ILRUN: variants seen among roughly 807,000 people sequenced by gnomAD.
ILRUN encodes the protein inflammation and lipid regulator with UBA-like and NBR1-like domains.
ILRUN carries 3 observed loss-of-function variants against 33.8 expected under a neutral mutation model. That is an observed-to-expected ratio of 0.09 (90% CI 0.04 to 0.23). The LOEUF (loss-of-function observed/expected upper bound fraction) is 0.23, where lower values mean the gene tolerates loss of function less well. ILRUN is among the 10% of genes least tolerant of loss of function. ILRUN has a pLI of 1.00. For missense variants in ILRUN, 210 were observed against 375.1 expected, an observed-to-expected ratio of 0.56 and a Z score of 3.64; for synonymous variants, 124 against 138.9, an observed-to-expected ratio of 0.89 and a Z score of 0.75.
At chr6:34,648,967 G>C (rs1257797335) in intron 2 of ILRUN, among the ~76,000 whole-genome samples, 1 of 152,236 alleles carries the variant, frequency 6.6e-6, no homozygotes, top group Non-Finnish European at 1.5e-5. Context: ...CATCTTAGCT[G>C]TGCAAAAGGA....
Position 34,622,508 on chromosome 6 carries a change from A to T in ILRUN, c.512-15604T>A, listed in dbSNP as rs146003916. On this transcript the variant is annotated intron_variant, in intron 3 of 4. Coordinates refer to ENST00000374023, the MANE Select transcript of ILRUN (RefSeq NM_024294.4). ...GAAATGCAAATCAAACCACAATGAG[A>T]TACCACCTCACACTTATGATGGCTA... Among the ~76,000 whole-genome samples, 45 of 151,920 alleles carry T rather than the reference A, an allele frequency of 3.0e-4. No individual in the cohort carries two copies. In the East Asian group the frequency reaches 7.9e-3, roughly 27 times the overall value.
intron 1 of ILRUN, among the ~76,000 whole-genome samples, chr6:34,688,012 A>G (rs914376830): frequency 7.2e-5 from 11 of 152,252 alleles, no homozygotes; most frequent in African/African-American, 2.6e-4. Flanking sequence ...AATAGTCAAA[A>G]GATAGAAACA....
chr6:34,668,494 A>G (rs1763048310), intron 1 of ILRUN, among the ~76,000 whole-genome samples: 1 of 152,188 alleles, frequency 6.6e-6, no homozygotes, highest in South Asian at 2.1e-4. Flanking sequence ...TGCATAACAG[A>G]CTGAGATGAT....
In ILRUN at chr6:34,684,472, C is replaced by T. The variant is rs1763472951; in HGVS notation, c.158+11974G>A. 3.3e-5 allele frequency among the ~76,000 whole-genome samples: 5 copies of T among 152,142 alleles called. No individual in the cohort carries two copies. The South Asian group carries it at 1.0e-3, about 32-fold the overall frequency. On this transcript the variant is annotated intron_variant, in intron 1 of 4. Coordinates refer to ENST00000374023, the MANE Select transcript of ILRUN (RefSeq NM_024294.4). ...ACATAGGCATAAGAAAAAAATTAAGCCTTTTCTCCCATCTACCCTTACACA... is the reference window on the plus strand; with the variant it reads ...ACATAGGCATAAGAAAAAAATTAAGTCTTTTCTCCCATCTACCCTTACACA...
At chr6:34,683,475 C>CATATATATATACATATAT (rs1264835303) in intron 1 of ILRUN, among the ~76,000 whole-genome samples, 14 of 79,878 alleles carry the variant, frequency 1.8e-4, no homozygotes, top group East Asian at 7.9e-4. Flanking sequence ...TATATATACA[C>CATATATATATACATATAT]ATATATATAT....
Position 34,646,905 on chromosome 6 carries a change from A to G in ILRUN, c.314-107T>C. ...GCCTCTTTCTTTTTCTCACATACAT[A>G]CATAAACCTAACCACATATACCTAA... is the stretch of plus-strand genomic sequence containing the variant. On this transcript the variant is annotated intron_variant, in intron 2 of 4. Coordinates refer to ENST00000374023, the MANE Select transcript of ILRUN (RefSeq NM_024294.4). This position sits in a 1 kb window ranked among gnomAD's most constrained non-coding sequence, Gnocchi z 4.9. 1.0e-6 allele frequency: 1 copy of G among 954,322 alleles called. No homozygotes were observed. The highest frequency in any genetic ancestry group is 1.5e-5 in the South Asian group (1 of 68,886). 59.1% of individuals were successfully genotyped at this position (954,322 alleles called of 1,614,324 possible). A position where few individuals can be genotyped will look rare whatever the true frequency, so the allele number is the denominator to read the frequency against.
intron 1 of ILRUN, among the ~76,000 whole-genome samples, chr6:34,680,913 G>C (rs1273682499): frequency 6.6e-6 from 1 of 151,798 alleles, no homozygotes; most frequent in African/African-American, 2.4e-5. Context: ...TGAAGGACAA[G>C]TGCTGTTTAT....
At chr6:34,598,927 T>C (rs1761455026) in intron 4 of ILRUN, among the ~76,000 whole-genome samples, 1 of 152,240 alleles carries the variant, frequency 6.6e-6, no homozygotes, top group Non-Finnish European at 1.5e-5. Flanking sequence ...TCCCTTCTGG[T>C]ACACAGTGTG....
At chr6:34,617,480 A>G (rs1051692648) in intron 3 of ILRUN, among the ~76,000 whole-genome samples, 5 of 152,184 alleles carry the variant, frequency 3.3e-5, no homozygotes, top group African/African-American at 1.2e-4. Context: ...GCACTGCCAC[A>G]TAATTTACTC....
intron 1 of ILRUN, among the ~76,000 whole-genome samples, chr6:34,679,014 G>A (rs1033602333): frequency 1.4e-4 from 21 of 151,566 alleles, no homozygotes; most frequent in Admixed American, 7.9e-4. Flanking sequence ...AGGAGGGTGA[G>A]GATCGAAAAA....
At chr6:34,611,974 T>C (rs151147037) in intron 3 of ILRUN, among the ~76,000 whole-genome samples, 4 of 152,240 alleles carry the variant, frequency 2.6e-5, no homozygotes, top group African/African-American at 9.6e-5. Context: ...CCTGTGATCT[T>C]TGGCACCAAC....
intron 1 of ILRUN, among the ~76,000 whole-genome samples, chr6:34,661,406 A>G (rs1430423814): frequency 2.0e-5 from 3 of 152,202 alleles, no homozygotes; most frequent in Non-Finnish European, 4.4e-5. Flanking sequence ...ACACTCTACA[A>G]TTCTTTAAAA....
intron 4 of ILRUN, among the ~76,000 whole-genome samples, chr6:34,606,083 C>T (rs1232563882): frequency 1.3e-5 from 2 of 152,190 alleles, no homozygotes; most frequent in Non-Finnish European, 2.9e-5. Flanking sequence ...CAACAAACAA[C>T]TCTCACTTAT....
rs989475466 is a variant in ILRUN, at chr6:34,624,205, A to C, written c.512-17301T>G. On this transcript the variant is annotated intron_variant, in intron 3 of 4. Transcript: ENST00000374023. The stretch of plus-strand genomic sequence containing the variant: ...CTTGGTACATCTTGATATCTGTGAG[A>C]TTTTCATCAAAGGGTAAAATTTAGA... 6.6e-5 allele frequency among the ~76,000 whole-genome samples: 10 copies of C among 152,198 alleles called. No individual in the cohort carries two copies. In the South Asian group the frequency reaches 1.0e-3, roughly 16 times the overall value.
chr6:34,687,291 T>C (rs1392909237), intron 1 of ILRUN, among the ~76,000 whole-genome samples: 2 of 152,062 alleles, frequency 1.3e-5, no homozygotes, highest in Non-Finnish European at 2.9e-5. Flanking sequence ...GATATACAAA[T>C]GGCCAAAAAG....
chr6:34,688,761 C>T (rs1209112745), intron 1 of ILRUN, among the ~76,000 whole-genome samples: 1 of 151,974 alleles, frequency 6.6e-6, no homozygotes. Flanking sequence ...TGTAGTGAGC[C>T]GAGATCACGC....
At chr6:34,617,328 A>G (rs1761916174) in intron 3 of ILRUN, 1 of 326,426 alleles carries the variant, frequency 3.1e-6, no homozygotes. Context: ...ATTGAAAAAA[A>G]AAGTCAGTAT....
rs927111051 is a variant in ILRUN at position 34,621,818 on chromosome 6, G to A, written c.512-14914C>T. On this transcript the variant is annotated intron_variant, in intron 3 of 4. Transcript: ENST00000374023. ...GCAGAGGTTGCAGTGAGCCAAGATC[G>A]TGCCACTGCACTCCAGCCTGATGAC... Among the ~76,000 whole-genome samples the A allele has an allele frequency of 5.9e-5, 9 of 151,840 alleles. No homozygotes were observed. The East Asian group carries it at 7.7e-4, about 13-fold the overall frequency.
chr6:34,692,901 A>T (rs1244084475), intron 1 of ILRUN, among the ~76,000 whole-genome samples: 1 of 152,276 alleles, frequency 6.6e-6, no homozygotes, highest in East Asian at 1.9e-4. Context: ...AAGGAAAAAA[A>T]TTAAATAAAA....
Sources: allele counts gnomAD v4.1 joint callset (sites outside exome capture counted in the v4.1 genomes callset), GRCh38; gene constraint gnomAD v4.1.1; non-coding constraint Gnocchi (gnomAD v3.1); transcripts MANE v1.5; gene names NCBI Gene and HGNC (gene_info 2026-07-23, HGNC 2026-07-21).